ATP2B1: variants seen among roughly 807,000 people sequenced by gnomAD.
ATP2B1 encodes ATPase plasma membrane Ca2+ transporting 1.
A neutral mutation model predicts 124.2 loss-of-function variants in ATP2B1; 14 were observed. The ratio of observed to expected loss-of-function variants is 0.11; its 90% CI spans 0.07 to 0.18. The LOEUF (loss-of-function observed/expected upper bound fraction) is 0.18, where lower values mean the gene tolerates loss of function less well. Among genes scored for constraint, ATP2B1 ranks in the 10% least tolerant of loss-of-function variants. ATP2B1 has a pLI of 1.00. For synonymous variants in ATP2B1, 449 were observed against 492.4 expected, an observed-to-expected ratio of 0.91 and a Z score of 1.17; for missense variants, 763 against 1,466.1, an observed-to-expected ratio of 0.52 and a Z score of 7.83.
At chr12:89,678,916 T>C (rs1477546813) in intron 1 of ATP2B1, among the ~76,000 whole-genome samples, 1 of 152,182 alleles carries the variant, frequency 6.6e-6, no homozygotes, top group Non-Finnish European at 1.5e-5. Context: ...ACAGGAATAA[T>C]ATAAAGTTCC....
At chr12:89,692,084 G>A (rs149168565) in intron 1 of ATP2B1, among the ~76,000 whole-genome samples, 1 of 152,012 alleles carries the variant, frequency 6.6e-6, no homozygotes, top group African/African-American at 2.4e-5. Flanking sequence ...GGATTAACCA[G>A]TAGGAAATTC....
At chr12:89,628,457 G>T (rs555694213) in intron 6 of ATP2B1, among the ~76,000 whole-genome samples, 1 of 150,300 alleles carries the variant, frequency 6.7e-6, no homozygotes, top group Non-Finnish European at 1.5e-5. Flanking sequence ...ACAGGAGAGT[G>T]TTGATGAGAG....
chr12:89,618,758 C>T (rs1367550930), intron 11 of ATP2B1, among the ~76,000 whole-genome samples: 1 of 152,190 alleles, frequency 6.6e-6, no homozygotes, highest in Non-Finnish European at 1.5e-5. Flanking sequence ...CACATCCCTA[C>T]AGTGTGATCT....
At chr12:89,659,794 G>A (rs1357371440) in intron 1 of ATP2B1, among the ~76,000 whole-genome samples, 1 of 151,712 alleles carries the variant, frequency 6.6e-6, no homozygotes, top group East Asian at 1.9e-4. Context: ...CTGGTGGCAG[G>A]CGCCTGTAGT....
intron 1 of ATP2B1, among the ~76,000 whole-genome samples, chr12:89,705,848 A>G (rs1892387116): frequency 1.3e-5 from 2 of 152,178 alleles, no homozygotes; most frequent in Admixed American, 1.3e-4. Flanking sequence ...CTACAGCTCA[A>G]TAGCCAATGC....
At chr12:89,691,673 T>C (rs1477681477) in intron 1 of ATP2B1, among the ~76,000 whole-genome samples, 1 of 152,064 alleles carries the variant, frequency 6.6e-6, no homozygotes, top group East Asian at 1.9e-4. Context: ...AAGAACTGAG[T>C]CTATCTAGGG....
chr12:89,693,631 A>C (rs1187588690), intron 1 of ATP2B1, among the ~76,000 whole-genome samples: 2 of 152,196 alleles, frequency 1.3e-5, no homozygotes, highest in African/African-American at 4.8e-5. Flanking sequence ...CATCACTAAA[A>C]TGTAAATTTT....
chr12:89,589,510 G>A lies in ATP2B1; in HGVS notation c.*1474C>T, dbSNP rs1873172170. 6.6e-6 allele frequency: 1 copy of A among 152,026 alleles called. No homozygotes were observed. The highest frequency in any genetic ancestry group is 1.5e-5 in the Non-Finnish European group (1 of 67,972). 9.4% of individuals were successfully genotyped at this position (152,026 alleles called of 1,614,324 possible). A position where few individuals can be genotyped will look rare whatever the true frequency, so the allele number is the denominator to read the frequency against. On this transcript the variant is annotated 3_prime_UTR_variant, in exon 21 of 21. Transcript: ENST00000428670. ...CCTAATCTGTTATTTGGCCACTTAA[G>A]AATTAAAATAAATGTATCAAAGACA...
chr12:89,608,963 G>A (rs1877482613), intron 15 of ATP2B1, among the ~76,000 whole-genome samples: 1 of 152,122 alleles, frequency 6.6e-6, no homozygotes, highest in Non-Finnish European at 1.5e-5. Flanking sequence ...TTTTGATTGA[G>A]GGAAATTTAC....
intron 1 of ATP2B1, among the ~76,000 whole-genome samples, chr12:89,682,714 G>T (rs1222513715): frequency 6.6e-6 from 1 of 152,072 alleles, no homozygotes. Flanking sequence ...ATTCCAAATG[G>T]AACAAAGCAA....
intron 1 of ATP2B1, among the ~76,000 whole-genome samples, chr12:89,688,368 T>C (rs1037320898): frequency 6.6e-6 from 1 of 152,058 alleles, no homozygotes; most frequent in African/African-American, 2.4e-5. Flanking sequence ...TCACATAAAT[T>C]TTTTCACAAC....
At chr12:89,669,889 T>C (rs1327748276) in intron 1 of ATP2B1, among the ~76,000 whole-genome samples, 1 of 152,178 alleles carries the variant, frequency 6.6e-6, no homozygotes, top group Non-Finnish European at 1.5e-5. Flanking sequence ...TGACATCAAA[T>C]AGTATTTAAG....
intron 20 of ATP2B1, chr12:89,593,650 G>GGGCA (rs1426819482): frequency 6.6e-6 from 1 of 151,978 alleles, no homozygotes; most frequent in Non-Finnish European, 1.5e-5. Flanking sequence ...GCTCTAAGAG[G>GGGCA]GGCAGAGTGT....
chr12:89,649,780 G>C (rs1054477008), intron 2 of ATP2B1, among the ~76,000 whole-genome samples: 2 of 152,188 alleles, frequency 1.3e-5, no homozygotes, highest in African/African-American at 4.8e-5. Flanking sequence ...AATGTTGGAG[G>C]TGGGGTCTAG....
intron 15 of ATP2B1, among the ~76,000 whole-genome samples, chr12:89,609,507 T>C (rs1288753085): frequency 2.0e-5 from 3 of 152,166 alleles, no homozygotes; most frequent in South Asian, 2.1e-4. Context: ...AAAAAGATTA[T>C]ATATAAAATG....
intron 1 of ATP2B1, among the ~76,000 whole-genome samples, chr12:89,678,868 T>G (rs904557315): frequency 6.6e-6 from 1 of 152,192 alleles, no homozygotes; most frequent in East Asian, 1.9e-4. Context: ...GTGGTCAATA[T>G]GCTAGGCATC....
At chr12:89,646,262 C>A (rs1884442698) in intron 2 of ATP2B1, among the ~76,000 whole-genome samples, 2 of 152,050 alleles carry the variant, frequency 1.3e-5, no homozygotes, top group South Asian at 4.2e-4. Context: ...TAGTAGACAG[C>A]TGGCTATCCA....
At chr12:89,643,496 G>A (rs572205450) in intron 2 of ATP2B1, among the ~76,000 whole-genome samples, 1 of 152,232 alleles carries the variant, frequency 6.6e-6, no homozygotes, top group Non-Finnish European at 1.5e-5. Flanking sequence ...TGGTGCTATT[G>A]AATGTACCTA....
chr12:89,596,622 G>A (rs1874665764), intron 20 of ATP2B1, among the ~76,000 whole-genome samples: 1 of 151,958 alleles, frequency 6.6e-6, no homozygotes. Context: ...ATTTTCAAAC[G>A]GCTCAGAAAA....
Sources: allele counts gnomAD v4.1 joint callset (sites outside exome capture counted in the v4.1 genomes callset), GRCh38; gene constraint gnomAD v4.1.1; transcripts MANE v1.5; gene names NCBI Gene and HGNC (gene_info 2026-07-23, HGNC 2026-07-21).